The following TNRC6A variants were observed in gnomAD, a reference collection of about 807,000 sequenced individuals.
TNRC6A encodes trinucleotide repeat-containing gene 6A protein.
Under a neutral mutation model 221.2 loss-of-function variants are expected in TNRC6A, and 44 were observed. That is an observed-to-expected ratio of 0.20 (90% CI 0.16 to 0.26). TNRC6A has a LOEUF of 0.26. Among genes scored for constraint, TNRC6A ranks in the 10% least tolerant of loss-of-function variants. The pLI, the probability that TNRC6A is intolerant of heterozygous loss-of-function variation, is 1.00. For missense variants in TNRC6A, 2,199 were observed against 2,404.4 expected, an observed-to-expected ratio of 0.91 and a Z score of 1.79; for synonymous variants, 847 against 838.5, an observed-to-expected ratio of 1.01 and a Z score of -0.18.
intron 1 of TNRC6A, among the ~76,000 whole-genome samples, 175 bp from the exon 2 acceptor site, chr16:24,730,078 G>T (rs1027166605): frequency 6.7e-6 from 1 of 149,862 alleles, no homozygotes; most frequent in African/African-American, 2.4e-5. Context: ...CCCGCGCCGC[G>T]GGACCGCAGT....
At chr16:24,721,782 T>C (rs1269665930) in intron 2 of TNRC6A, among the ~76,000 whole-genome samples, 1 of 152,142 alleles carries the variant, frequency 6.6e-6, no homozygotes, top group Non-Finnish European at 1.5e-5. Flanking sequence ...AAACAAACTG[T>C]GGTATATCCA....
chr16:24,791,112 G>A lies in TNRC6A; in HGVS notation c.2470G>A (p.Glu824Lys). The change falls in exon 6 of 25, where the codon GAG (glutamate) becomes AAG (lysine). Residue 824 changes from glutamate (E) to lysine (K), a missense_variant. Glu to Lys is a moderately conservative substitution (Grantham distance 56). Coordinates refer to ENST00000395799, the MANE Select transcript of TNRC6A (RefSeq NM_014494.4). ...GAGCAATCAGTGGGGGAATTGCAAA[G>A]AGGAGAAGGCTGCATGGAATGACTC... ...VKSNQWGNCK[E>K]EKAAWNDSQK... is the part of the protein sequence containing the mutation. The A allele has an allele frequency of 1.2e-6, 2 of 1,613,958 alleles. No homozygotes were observed. Among genetic ancestry groups the A allele is most frequent in the East Asian group, 2.2e-5 (1 of 44,886 alleles).
chr16:24,815,957 C>T (rs2058648692), intron 19 of TNRC6A: 2 of 153,342 alleles, frequency 1.3e-5, no homozygotes, highest in Non-Finnish European at 2.9e-5. Context: ...GGCCTGCTTT[C>T]TCCTACCTGA....
At chr16:24,772,098 C>T (rs1239925087) in intron 4 of TNRC6A, among the ~76,000 whole-genome samples, 9 of 152,192 alleles carry the variant, frequency 5.9e-5, no homozygotes, top group Admixed American at 5.9e-4. Flanking sequence ...TGTTGTATAA[C>T]ATAGTTCAAT....
In TNRC6A at chr16:24,809,352, T is replaced by C; in HGVS notation, c.4543T>C (p.Leu1515=). The change falls in exon 18 of 25, where the codon TTG becomes CTG. Residue 1515 remains leucine (L), a splice_region_variant and synonymous_variant. Transcript: ENST00000395799. ...INAFSNFPIG[L]NSNLNVNMDM... is the part of the protein sequence containing the mutation. ...TGTTTTGTTTTTTAATTTTTCAGGC[T>C]TGAACTCAAACTTGAATGTAAATAT... is the stretch of plus-strand genomic sequence containing the variant. 6.6e-7 allele frequency: 1 copy of C among 1,525,188 alleles called. No homozygotes were observed. 94.5% of individuals were successfully genotyped at this position (1,525,188 alleles called of 1,614,324 possible).
intron 2 of TNRC6A, among the ~76,000 whole-genome samples, chr16:24,696,745 AG>A (rs1307553248): frequency 1.6e-4 from 22 of 139,084 alleles, no homozygotes; most frequent in East Asian, 2.3e-4. Flanking sequence ...AAAAAAAAAA[AG>A]AAAGGAAAGG....
chr16:24,682,374 C>T (rs1339455121), intron 2 of TNRC6A, among the ~76,000 whole-genome samples: 5 of 150,124 alleles, frequency 3.3e-5, no homozygotes, highest in Non-Finnish European at 4.4e-5. Context: ...TACAGGCGTG[C>T]ACCACCACGC....
chr16:24,670,051 G>A (rs909958426), intron 2 of TNRC6A, among the ~76,000 whole-genome samples: 1 of 141,630 alleles, frequency 7.1e-6, no homozygotes, highest in Non-Finnish European at 1.5e-5. Flanking sequence ...CCAGGCTCAA[G>A]CAATTCCCAT....
At chr16:24,816,630 G>C (rs941992226) in intron 19 of TNRC6A, 186 bp from the exon 20 acceptor site, 1 of 687,694 alleles carries the variant, frequency 1.5e-6, no homozygotes, top group Non-Finnish European at 2.3e-6. Context: ...AAACTTGCAA[G>C]TAATTTATAA....
chr16:24,808,705 T>G (rs566874248), intron 17 of TNRC6A, among the ~76,000 whole-genome samples: 1 of 152,366 alleles, frequency 6.6e-6, no homozygotes, highest in Admixed American at 6.5e-5. Context: ...TAAAACAATT[T>G]AATTTGGAAC....
chr16:24,648,632 G>C (rs1171696758), intron 2 of TNRC6A, among the ~76,000 whole-genome samples: 1 of 152,124 alleles, frequency 6.6e-6, no homozygotes, highest in Non-Finnish European at 1.5e-5. Flanking sequence ...TAGTTTGTCT[G>C]CATCTTCACC....
intron 1 of TNRC6A, among the ~76,000 whole-genome samples, chr16:24,626,588 C>T (rs1901004018): frequency 6.6e-6 from 1 of 151,170 alleles, no homozygotes; most frequent in Admixed American, 6.6e-5. Flanking sequence ...AATTTTTTTA[C>T]ATATACACAT....
chr16:24,781,291 T>G (rs1015531848), intron 5 of TNRC6A, among the ~76,000 whole-genome samples: 1 of 151,944 alleles, frequency 6.6e-6, no homozygotes, highest in Non-Finnish European at 1.5e-5. Flanking sequence ...ACTCCTGAGC[T>G]CAAGCTATCT....
At chr16:24,696,745 A>AAAAAAAAAG (rs2055871749) in intron 2 of TNRC6A, among the ~76,000 whole-genome samples, 1 of 139,044 alleles carries the variant, frequency 7.2e-6, no homozygotes, top group Non-Finnish European at 1.6e-5. Flanking sequence ...AAAAAAAAAA[A>AAAAAAAAAG]GAAAGGAAAG....
At chr16:24,683,907 G>A (rs2055579290) in intron 2 of TNRC6A, among the ~76,000 whole-genome samples, 1 of 152,292 alleles carries the variant, frequency 6.6e-6, no homozygotes, top group Middle Eastern at 3.4e-3. Flanking sequence ...GTACTGATGT[G>A]TGAGCTCTCC....
intron 2 of TNRC6A, among the ~76,000 whole-genome samples, chr16:24,649,119 GA>G (rs536776722): frequency 3.4e-5 from 5 of 147,340 alleles, no homozygotes; most frequent in East Asian, 4.0e-4. Context: ...TGTCTCTACT[GA>G]AAAAAAAAAT....
intron 5 of TNRC6A, among the ~76,000 whole-genome samples, chr16:24,787,591 A>G (rs1402101261): frequency 6.6e-6 from 1 of 152,186 alleles, no homozygotes; most frequent in African/African-American, 2.4e-5. Context: ...AATTCTCCTT[A>G]TGGGCACTGA....
chr16:24,759,440 T>A (rs145942687), intron 4 of TNRC6A, among the ~76,000 whole-genome samples: 67 of 152,280 alleles, frequency 4.4e-4, no homozygotes, highest in Non-Finnish European at 5.6e-4. Context: ...ATGGAAAGTA[T>A]TGGTTGGAAG....
chr16:24,809,152 T>C (rs1424345968), intron 17 of TNRC6A, among the ~76,000 whole-genome samples, 198 bp from the exon 18 acceptor site: 2 of 152,234 alleles, frequency 1.3e-5, no homozygotes, highest in Non-Finnish European at 2.9e-5. Context: ...TTTCTCCCTC[T>C]TATTTTGCCA....
Sources: allele counts gnomAD v4.1 joint callset (sites outside exome capture counted in the v4.1 genomes callset), GRCh38; gene constraint gnomAD v4.1.1; transcripts MANE v1.5; gene names NCBI Gene and HGNC (gene_info 2026-07-23, HGNC 2026-07-21).